PLCB1: variants seen among roughly 807,000 people sequenced by gnomAD.
The protein encoded by PLCB1 is phospholipase C beta 1.
PLCB1 carries 46 observed loss-of-function variants against 161.8 expected under a neutral mutation model. The observed-to-expected ratio is 0.28, with a 90% confidence interval of 0.22 to 0.36. The LOEUF (loss-of-function observed/expected upper bound fraction) is 0.36. PLCB1 is among the 10% of genes least tolerant of loss of function. The pLI is 1.00. For synonymous variants in PLCB1, 517 were observed against 503.7 expected (o/e 1.03, Z -0.35); for missense variants, 1,016 against 1,472.5 (o/e 0.69, Z 5.07).
At chr20:8,708,944 C>T (rs142343247) in intron 12 of PLCB1, among the ~76,000 whole-genome samples, 192 bp downstream of exon 12, 7 of 152,266 alleles carry the variant, frequency 4.6e-5, no homozygotes, top group African/African-American at 1.7e-4. Context: ...ATCCGTTGGA[C>T]TTGTAGGATC....
intron 31 of PLCB1, among the ~76,000 whole-genome samples, chr20:8,859,982 G>A (rs1987200123): frequency 6.6e-6 from 1 of 152,106 alleles, no homozygotes; most frequent in South Asian, 2.1e-4. Flanking sequence ...ATAAATATGT[G>A]GGCTTTTTGT....
At chr20:8,643,026 T>C (rs1048769640) in intron 4 of PLCB1, among the ~76,000 whole-genome samples, 1 of 152,256 alleles carries the variant, frequency 6.6e-6, no homozygotes, top group Non-Finnish European at 1.5e-5. Flanking sequence ...AGATAGTTAC[T>C]GTGAAATGCT....
At chr20:8,313,465 A>G (rs536482003) in intron 2 of PLCB1, among the ~76,000 whole-genome samples, 1 of 152,214 alleles carries the variant, frequency 6.6e-6, no homozygotes, top group Non-Finnish European at 1.5e-5. Context: ...CCTGTGTCTT[A>G]CTTCCTAAGA....
intron 2 of PLCB1, among the ~76,000 whole-genome samples, chr20:8,231,977 G>T (rs942810047): frequency 2.6e-5 from 4 of 152,146 alleles, no homozygotes; most frequent in Non-Finnish European, 4.4e-5. Context: ...CTATGGGTCA[G>T]AGTCGCCAAT....
At chr20:8,156,272 G>A (rs2051560954) in intron 2 of PLCB1, among the ~76,000 whole-genome samples, 2 of 152,114 alleles carry the variant, frequency 1.3e-5, no homozygotes, top group Admixed American at 6.5e-5. Context: ...TAACTTAAAG[G>A]TGCATTCTTT....
intron 3 of PLCB1, among the ~76,000 whole-genome samples, chr20:8,457,575 A>T (rs113140798): frequency 0.036 from 5,462 of 152,234 alleles, 305 homozygotes; most frequent in African/African-American, 0.12. Flanking sequence ...TCTTATTTTA[A>T]TCAGTCGTCT....
At chr20:8,694,622 A>G (rs1225385980) in intron 10 of PLCB1, among the ~76,000 whole-genome samples, 1 of 152,234 alleles carries the variant, frequency 6.6e-6, no homozygotes, top group Non-Finnish European at 1.5e-5. Flanking sequence ...AGAATGCTCT[A>G]GTGTCTGTTA....
Position 8,795,890 on chromosome 20 carries a change from A to AAAACAG in PLCB1, c.3423+5632_3423+5633insCAGAAA, listed in dbSNP as rs61621913. On this transcript the variant is annotated intron_variant, in intron 31 of 31. Transcript: ENST00000338037. ...ACCACCCTGTCTCAAAAAAAAAAAA[A>AAAACAG]AAAAGAAAAGAAAACACGGTTAGTC... Among the ~76,000 whole-genome samples the AAAACAG allele has an allele frequency of 5.7e-5, 8 of 139,798 alleles. 1 individual carries two copies. The East Asian group carries it at 1.7e-3, about 29-fold the overall frequency. 91.7% of individuals were successfully genotyped at this position (139,798 alleles called of 152,430 possible).
At chr20:8,463,045 A>G (rs533534637) in intron 3 of PLCB1, among the ~76,000 whole-genome samples, 1 of 152,116 alleles carries the variant, frequency 6.6e-6, no homozygotes, top group Admixed American at 6.5e-5. Context: ...TCTAAGAGGC[A>G]ACTCAGTATG....
At chr20:8,826,540 A>G (rs1472489451) in intron 31 of PLCB1, among the ~76,000 whole-genome samples, 1 of 151,806 alleles carries the variant, frequency 6.6e-6, no homozygotes, top group Non-Finnish European at 1.5e-5. Flanking sequence ...AGATGGAGCC[A>G]TGGAGAGTTT....
At chr20:8,652,442 C>A (rs868438649) in intron 7 of PLCB1, 35 of 152,210 alleles carry the variant, frequency 2.3e-4, no homozygotes, top group African/African-American at 7.7e-4. Flanking sequence ...TTTCTGTGAA[C>A]TGACTATGAT....
At chr20:8,814,579 G>GTT (rs1984992287) in intron 31 of PLCB1, among the ~76,000 whole-genome samples, 1 of 139,148 alleles carries the variant, frequency 7.2e-6, no homozygotes, top group Admixed American at 6.9e-5. Context: ...GTACTTGCAT[G>GTT]TGTGTGTGTG....
intron 3 of PLCB1, among the ~76,000 whole-genome samples, chr20:8,433,451 A>T (rs1324763521): frequency 1.3e-5 from 2 of 148,278 alleles, no homozygotes; most frequent in East Asian, 1.9e-4. Context: ...AAGATCTTCC[A>T]TAAAGAGGGG....
At chr20:8,234,165 C>T (rs1319214546) in intron 2 of PLCB1, among the ~76,000 whole-genome samples, 1 of 152,020 alleles carries the variant, frequency 6.6e-6, no homozygotes, top group South Asian at 2.1e-4. Context: ...AATCAGCTCA[C>T]GAGCTGGTGA....
intron 12 of PLCB1, among the ~76,000 whole-genome samples, chr20:8,715,266 G>A (rs1397275812): frequency 1.3e-5 from 2 of 152,222 alleles, no homozygotes; most frequent in Non-Finnish European, 2.9e-5. Flanking sequence ...AAGGTCAAGG[G>A]AAGCAGTAGC....
intron 25 of PLCB1, among the ~76,000 whole-genome samples, chr20:8,763,284 C>T (rs2123580311): frequency 1.3e-5 from 2 of 152,362 alleles, no homozygotes; most frequent in South Asian, 4.1e-4. Flanking sequence ...TCATTGAAAC[C>T]TCCGTCTCCC....
intron 31 of PLCB1, among the ~76,000 whole-genome samples, chr20:8,858,786 C>T (rs1987152023): frequency 2.0e-5 from 3 of 152,050 alleles, no homozygotes; most frequent in Non-Finnish European, 4.4e-5. Context: ...TGAACATACC[C>T]TAATGCTAGG....
chr20:8,135,037 C>T (rs572904326), intron 1 of PLCB1, among the ~76,000 whole-genome samples: 42 of 152,280 alleles, frequency 2.8e-4, no homozygotes, highest in Admixed American at 5.9e-4. Flanking sequence ...CCCTTTTCTA[C>T]TCTTCTCAGC....
intron 24 of PLCB1, 110 bp from the exon 25 acceptor site, chr20:8,760,297 T>C: frequency 1.6e-6 from 1 of 620,128 alleles, no homozygotes; most frequent in Non-Finnish European, 2.8e-6. Flanking sequence ...CAATTTGTCA[T>C]TTCTCTGAAA....
Sources: allele counts gnomAD v4.1 joint callset (sites outside exome capture counted in the v4.1 genomes callset), GRCh38; gene constraint gnomAD v4.1.1; transcripts MANE v1.5; gene names NCBI Gene and HGNC (gene_info 2026-07-23, HGNC 2026-07-21).